The following CFAP299 variants were observed in gnomAD, a reference collection of about 807,000 sequenced individuals.
CFAP299 encodes the protein cilia and flagella associated protein 299, also known as cilia- and flagella-associated protein 299.
CFAP299 carries 21 observed loss-of-function variants against 27.0 expected under a neutral mutation model. The observed-to-expected ratio is 0.78, with a 90% CI of 0.55 to 1.12. The LOEUF is 1.12. Ranked by LOEUF, CFAP299 falls within the 50% of genes most tolerant of loss-of-function variation. The pLI, the probability that CFAP299 is intolerant of heterozygous loss-of-function variation, is 0.00. For missense variants in CFAP299, 310 were observed against 276.6 expected (o/e 1.12, Z -0.86); for synonymous variants, 104 against 98.1 (o/e 1.06, Z -0.36).
intron 5 of CFAP299, among the ~76,000 whole-genome samples, chr4:80,958,493 TG>T (rs1327819899): frequency 6.6e-5 from 10 of 152,162 alleles, no homozygotes; most frequent in African/African-American, 2.2e-4. Flanking sequence ...TAAGATCACA[TG>T]TCATTTTCAA....
At chr4:80,752,947 A>G (rs1467678735) in intron 3 of CFAP299, among the ~76,000 whole-genome samples, 1 of 152,048 alleles carries the variant, frequency 6.6e-6, no homozygotes, top group East Asian at 1.9e-4. Flanking sequence ...TTATTGTCAT[A>G]CATTTTGATT....
At position 80,587,975 on chromosome 4, in the gene CFAP299, G is replaced by T. The variant is rs778811848; in HGVS notation, c.333+4792G>T. 1.1e-4 allele frequency among the ~76,000 whole-genome samples: 16 copies of T among 151,108 alleles called. 1 individual carries two copies. The highest frequency in any genetic ancestry group is 2.1e-4 in the Non-Finnish European group (14 of 68,020). ...TTAGTGCAAGCGATTTATTGAGAAA[G>T]TTCTCTCATCTAAAACCTGTTGTGG... On this transcript the variant is annotated intron_variant, in intron 3 of 5. Transcript: ENST00000358105.
intron 2 of CFAP299, among the ~76,000 whole-genome samples, chr4:80,377,013 AT>A (rs1442638381): frequency 1.3e-5 from 2 of 152,004 alleles, no homozygotes; most frequent in Non-Finnish European, 2.9e-5. Flanking sequence ...TCCAGTTACA[AT>A]TTTTTCATCA....
intron 3 of CFAP299, among the ~76,000 whole-genome samples, chr4:80,828,363 A>G (rs1373186776): frequency 2.0e-5 from 3 of 152,090 alleles, no homozygotes; most frequent in African/African-American, 7.2e-5. Context: ...AATGGAATAG[A>G]AAAGTCGAAA....
At chr4:80,905,922 A>G (rs1206345864) in intron 4 of CFAP299, among the ~76,000 whole-genome samples, 1 of 152,134 alleles carries the variant, frequency 6.6e-6, no homozygotes, top group Non-Finnish European at 1.5e-5. Context: ...GCCCCTTCCA[A>G]ATCTCATGTT....
chr4:80,578,342 A>G (rs1735978628), intron 2 of CFAP299, among the ~76,000 whole-genome samples: 1 of 152,152 alleles, frequency 6.6e-6, no homozygotes. Context: ...ATTCTTTTCC[A>G]ATATTTCCTC....
chr4:80,811,466 A>G, intron 3 of CFAP299, among the ~76,000 whole-genome samples: 1 of 152,166 alleles, frequency 6.6e-6, no homozygotes, highest in Non-Finnish European at 1.5e-5. Context: ...TGTATTGGTG[A>G]CTGTCTCATT....
chr4:80,951,655 G>A (rs929206948), intron 5 of CFAP299, among the ~76,000 whole-genome samples: 4 of 152,148 alleles, frequency 2.6e-5, no homozygotes, highest in Non-Finnish European at 4.4e-5. Context: ...CATCTATGGT[G>A]AGTCCCAGCA....
intron 3 of CFAP299, among the ~76,000 whole-genome samples, chr4:80,702,294 CA>C (rs1013107030): frequency 9.9e-5 from 15 of 151,770 alleles, no homozygotes; most frequent in Admixed American, 4.6e-4. Flanking sequence ...TGAATCTATA[CA>C]CAGTTTATTC....
the CFAP299 span, among the ~76,000 whole-genome samples, chr4:80,324,914 G>A: frequency 6.6e-6 from 1 of 152,202 alleles, no homozygotes; most frequent in South Asian, 2.1e-4. Flanking sequence ...CCTGAGGTCA[G>A]GAGTTTGAGA....
intron 2 of CFAP299, among the ~76,000 whole-genome samples, chr4:80,382,756 G>A (rs979617980): frequency 2.3e-4 from 35 of 152,132 alleles, no homozygotes; most frequent in African/African-American, 8.2e-4. Context: ...ATTGTGGAAA[G>A]CCTCGTGGCA....
At chr4:80,694,537 G>A (rs1222714556) in intron 3 of CFAP299, among the ~76,000 whole-genome samples, 1 of 152,194 alleles carries the variant, frequency 6.6e-6, no homozygotes, top group East Asian at 1.9e-4. Context: ...ATAATATGCA[G>A]TAACAGGTAT....
intron 3 of CFAP299, among the ~76,000 whole-genome samples, chr4:80,597,171 C>T (rs938653998): frequency 2.6e-5 from 4 of 151,864 alleles, no homozygotes; most frequent in Non-Finnish European, 4.4e-5. Flanking sequence ...GTGATTGGGC[C>T]GGTATAAATT....
chr4:80,933,343 G>C (rs2110220610), intron 4 of CFAP299, among the ~76,000 whole-genome samples: 2 of 152,072 alleles, frequency 1.3e-5, no homozygotes, highest in East Asian at 3.9e-4. Context: ...TCTACTCTCT[G>C]CATCTATGAG....
At chr4:80,806,764 C>T (rs961149776) in intron 3 of CFAP299, among the ~76,000 whole-genome samples, 12 of 152,150 alleles carry the variant, frequency 7.9e-5, no homozygotes, top group African/African-American at 2.4e-4. Flanking sequence ...TTCTTAAAGG[C>T]GTTGAAGTAG....
intron 4 of CFAP299, among the ~76,000 whole-genome samples, chr4:80,906,197 G>C (rs1425328536): frequency 2.3e-4 from 35 of 152,108 alleles, no homozygotes; most frequent in Non-Finnish European, 4.4e-5. Context: ...AAATCCAATA[G>C]GGCAGTCATT....
intron 3 of CFAP299, among the ~76,000 whole-genome samples, chr4:80,735,504 T>C (rs939924400): frequency 6.6e-6 from 1 of 152,178 alleles, no homozygotes; most frequent in African/African-American, 2.4e-5. Flanking sequence ...GTGAGCATCC[T>C]TGTCGTGTTC....
intron 3 of CFAP299, among the ~76,000 whole-genome samples, chr4:80,865,670 C>G (rs1397911578): frequency 2.6e-5 from 4 of 151,768 alleles, no homozygotes; most frequent in African/African-American, 9.7e-5. Flanking sequence ...ACTAAAAAGT[C>G]TTCTTAAAAA....
intron 4 of CFAP299, among the ~76,000 whole-genome samples, chr4:80,912,993 A>T (rs1735555844): frequency 6.6e-6 from 1 of 152,110 alleles, no homozygotes; most frequent in Non-Finnish European, 1.5e-5. Flanking sequence ...TCCCCACCCA[A>T]AAAGCACTGC....
Sources: gnomAD v4.1 joint callset for allele counts (sites outside exome capture counted in the v4.1 genomes callset) on GRCh38, gnomAD v4.1.1 for gene constraint, MANE v1.5 for transcripts, NCBI Gene and HGNC (gene_info 2026-07-23, HGNC 2026-07-21) for gene names.